UBE2G1: variants seen among roughly 807,000 people sequenced by gnomAD.
UBE2G1 encodes ubiquitin conjugating enzyme E2 G1.
A neutral mutation model predicts 22.7 loss-of-function variants in UBE2G1; 5 were observed. That is an observed-to-expected ratio of 0.22 (90% CI 0.12 to 0.46). The LOEUF (loss-of-function observed/expected upper bound fraction) is 0.46, where lower values mean the gene tolerates loss of function less well. Among genes scored for constraint, UBE2G1 ranks in the 20% least tolerant of loss-of-function variants. UBE2G1 has a pLI of 0.99. For synonymous variants in UBE2G1, 74 were observed against 67.5 expected (o/e 1.10, Z -0.47); for missense variants, 88 against 203.9 (o/e 0.43, Z 3.46).
chr17:4,355,192 G>A (rs998798552), intron 1 of UBE2G1, among the ~76,000 whole-genome samples: 1 of 151,600 alleles, frequency 6.6e-6, no homozygotes, highest in Admixed American at 6.6e-5. Context: ...AGTAGAAATG[G>A]GGTTTCACCA....
At position 4,302,037 on chromosome 17, in the gene UBE2G1, C is replaced by T. The variant is rs865940336; in HGVS notation, c.149+4984G>A. The T allele has an allele frequency of 1.1e-5, 5 of 449,242 alleles. No individual in the cohort carries two copies. The Middle Eastern group carries it at 1.5e-3, about 132-fold the overall frequency. 27.8% of individuals were successfully genotyped at this position (449,242 alleles called of 1,614,324 possible). On this transcript the variant is annotated intron_variant, in intron 2 of 5. Transcript: ENST00000396981. ...GAGAATCCTTCATAAAGAACAACAA[C>T]AACAAAAAAAGGGGGGGGAAGTTTT... is the stretch of plus-strand genomic sequence containing the variant.
chr17:4,317,290 C>T (rs1474002999), intron 1 of UBE2G1, among the ~76,000 whole-genome samples: 1 of 152,078 alleles, frequency 6.6e-6, no homozygotes, highest in Non-Finnish European at 1.5e-5. Flanking sequence ...AAGGAGGTTG[C>T]AATGAGCTGA....
At chr17:4,275,703 A>ATTTCAATGATCTTAAGTG (rs1968813457) in intron 5 of UBE2G1, among the ~76,000 whole-genome samples, 1 of 152,204 alleles carries the variant, frequency 6.6e-6, no homozygotes, top group Non-Finnish European at 1.5e-5. Context: ...ATAGGGAAGT[A>ATTTCAATGATCTTAAGTG]TTTCAATGAT....
At chr17:4,291,273 T>C (rs546194764) in intron 3 of UBE2G1, among the ~76,000 whole-genome samples, 4 of 151,558 alleles carry the variant, frequency 2.6e-5, no homozygotes, top group African/African-American at 4.8e-5. Flanking sequence ...GGCAGGAGAA[T>C]TGCTTGAAGC....
intron 1 of UBE2G1, among the ~76,000 whole-genome samples, chr17:4,331,448 T>G (rs917131956): frequency 2.0e-5 from 3 of 152,130 alleles, no homozygotes; most frequent in African/African-American, 7.2e-5. Flanking sequence ...TTTCAGGACA[T>G]GGGGAAATAT....
At chr17:4,295,056 T>C (rs1394518005) in intron 3 of UBE2G1, among the ~76,000 whole-genome samples, 3 of 152,192 alleles carry the variant, frequency 2.0e-5, no homozygotes, top group Non-Finnish European at 2.9e-5. Flanking sequence ...AGGGTTTGCC[T>C]AGAGTTACAC....
intron 4 of UBE2G1, among the ~76,000 whole-genome samples, chr17:4,287,765 AAAG>A (rs1469548178): frequency 6.6e-6 from 1 of 152,280 alleles, no homozygotes; most frequent in Admixed American, 6.5e-5. Flanking sequence ...AAGGCTTTTC[AAAG>A]AAGGAGAGAA....
At chr17:4,293,981 G>A (rs186606558) in intron 3 of UBE2G1, among the ~76,000 whole-genome samples, 64 of 152,266 alleles carry the variant, frequency 4.2e-4, no homozygotes, top group Non-Finnish European at 6.3e-4. Context: ...GAAAATATAA[G>A]AGAAACCTAT....
chr17:4,316,970 C>A (rs1374786026), intron 1 of UBE2G1, among the ~76,000 whole-genome samples: 1 of 150,408 alleles, frequency 6.6e-6, no homozygotes, highest in African/African-American at 2.5e-5. Context: ...CAAGGCCAGG[C>A]TCGGTGGCCT....
At chr17:4,288,887 A>C (rs1243896229) in intron 4 of UBE2G1, among the ~76,000 whole-genome samples, 3 of 152,026 alleles carry the variant, frequency 2.0e-5, no homozygotes, top group Admixed American at 1.3e-4. Context: ...ATAAATATGC[A>C]CTTTTGGTCA....
chr17:4,321,574 C>T (rs1199725971), intron 1 of UBE2G1, among the ~76,000 whole-genome samples: 1 of 152,120 alleles, frequency 6.6e-6, no homozygotes, highest in Admixed American at 6.5e-5. Flanking sequence ...CTCACTGCAA[C>T]CTCCGCCTCC....
chr17:4,359,630 G>C (rs953521245), intron 1 of UBE2G1, among the ~76,000 whole-genome samples: 14 of 152,162 alleles, frequency 9.2e-5, no homozygotes, highest in African/African-American at 3.1e-4. Context: ...CAACACTTTG[G>C]GAGGCCAAGG....
intron 1 of UBE2G1, among the ~76,000 whole-genome samples, chr17:4,353,149 C>T (rs896412276): frequency 2.6e-5 from 4 of 151,696 alleles, no homozygotes; most frequent in Non-Finnish European, 5.9e-5. Context: ...ACCCAGGAGG[C>T]GGAGGCTGCG....
chr17:4,321,013 C>T (rs1424824681), intron 1 of UBE2G1, among the ~76,000 whole-genome samples: 1 of 152,048 alleles, frequency 6.6e-6, no homozygotes, highest in Non-Finnish European at 1.5e-5. Flanking sequence ...CATTGCCAGG[C>T]GGTGTGAACC....
intron 2 of UBE2G1, among the ~76,000 whole-genome samples, chr17:4,297,440 T>G (rs1969125073): frequency 6.6e-6 from 1 of 152,166 alleles, no homozygotes; most frequent in African/African-American, 2.4e-5. Flanking sequence ...ATTTGTGCTG[T>G]CCAATAATGT....
At chr17:4,313,607 A>G (rs1485915734) in intron 1 of UBE2G1, among the ~76,000 whole-genome samples, 1 of 152,146 alleles carries the variant, frequency 6.6e-6, no homozygotes, top group Non-Finnish European at 1.5e-5. Context: ...ACAGTATTAC[A>G]AATCAGGACG....
chr17:4,310,015 GA>G (rs1162277516), intron 1 of UBE2G1, among the ~76,000 whole-genome samples: 1 of 152,128 alleles, frequency 6.6e-6, no homozygotes, highest in African/African-American at 2.4e-5. Context: ...AAGCAATGTT[GA>G]AAAATGTCCA....
chr17:4,360,139 A>G (rs1345122099), intron 1 of UBE2G1, among the ~76,000 whole-genome samples: 4 of 152,192 alleles, frequency 2.6e-5, no homozygotes, highest in Non-Finnish European at 5.9e-5. Context: ...ATTTGTTTCC[A>G]TAAGCCCACA....
intron 1 of UBE2G1, among the ~76,000 whole-genome samples, chr17:4,316,722 T>C (rs994493896): frequency 1.3e-5 from 2 of 152,084 alleles, no homozygotes; most frequent in African/African-American, 4.8e-5. Flanking sequence ...CAGTGGCTCA[T>C]ACCTGTAATC....
Sources: gnomAD v4.1 joint callset for allele counts (sites outside exome capture counted in the v4.1 genomes callset) on GRCh38, gnomAD v4.1.1 for gene constraint, MANE v1.5 for transcripts, NCBI Gene and HGNC (gene_info 2026-07-23, HGNC 2026-07-21) for gene names.